Variants in MAF observed in about 807,000 individuals in gnomAD.
MAF encodes the protein MAF bZIP transcription factor, also known as transcription factor Maf.
In MAF, 10 loss-of-function variants were observed where a neutral mutation model predicts 22.0. That is an observed-to-expected ratio of 0.45 (90% CI 0.28 to 0.77). The LOEUF (loss-of-function observed/expected upper bound fraction) is 0.77. MAF is among the 30% of genes least tolerant of loss of function. The pLI is 0.12. For missense variants in MAF, 544 were observed against 548.4 expected, an observed-to-expected ratio of 0.99 and a Z score of 0.08; for synonymous variants, 337 against 255.8, an observed-to-expected ratio of 1.32 and a Z score of -3.03.
the MAF span, among the ~76,000 whole-genome samples, chr16:79,225,992 C>A: frequency 1.3e-5 from 2 of 152,172 alleles, no homozygotes; most frequent in Non-Finnish European, 2.9e-5. Context: ...GGATCTAGAA[C>A]TAGAAATACC....
the MAF span, among the ~76,000 whole-genome samples, chr16:79,513,617 G>A: frequency 5.2e-4 from 79 of 152,298 alleles, no homozygotes; most frequent in East Asian, 2.1e-3. Context: ...GACCAGTTGC[G>A]GAATCTCAGG....
the MAF span, among the ~76,000 whole-genome samples, chr16:79,580,402 T>G: frequency 6.6e-6 from 1 of 152,214 alleles, no homozygotes; most frequent in African/African-American, 2.4e-5. Flanking sequence ...CTAGAATGCC[T>G]AGGACACATC....
At chr16:79,473,785 A>C in the MAF span, among the ~76,000 whole-genome samples, 1 of 152,232 alleles carries the variant, frequency 6.6e-6, no homozygotes, top group Admixed American at 6.5e-5. Context: ...TTTACACTTA[A>C]AGATACAGCT....
At chr16:79,216,416 G>A in the MAF span, among the ~76,000 whole-genome samples, 1 of 152,134 alleles carries the variant, frequency 6.6e-6, no homozygotes, top group Non-Finnish European at 1.5e-5. Context: ...TTTGACTTAT[G>A]ATTTTTGAAC....
At chr16:79,484,683 C>T in the MAF span, among the ~76,000 whole-genome samples, 1 of 152,148 alleles carries the variant, frequency 6.6e-6, no homozygotes, top group African/African-American at 2.4e-5. Context: ...GCTCAGTTCT[C>T]ACAAAAGGGC....
chr16:79,533,170 A>G, the MAF span, among the ~76,000 whole-genome samples: 35 of 152,286 alleles, frequency 2.3e-4, no homozygotes, highest in African/African-American at 7.7e-4. Context: ...TAGCCAAGAA[A>G]TTATTTATCT....
chr16:79,441,722 T>C, the MAF span, among the ~76,000 whole-genome samples: 1 of 152,246 alleles, frequency 6.6e-6, no homozygotes, highest in Non-Finnish European at 1.5e-5. Flanking sequence ...TTTCCTTCCA[T>C]AGCAAGAAGA....
Position 79,586,067 on chromosome 16 carries a change from T to A in MAF, c.1119-126A>T. 7.4e-6 allele frequency: 4 copies of A among 540,908 alleles called. No homozygotes were observed. The East Asian group carries it at 1.3e-4, about 17-fold the overall frequency. 33.5% of individuals were successfully genotyped at this position (540,908 alleles called of 1,614,324 possible). A position where few individuals can be genotyped will look rare whatever the true frequency, so the allele number is the denominator to read the frequency against. ...GGGCAGAATTACACCAAAAGAAGAG[T>A]GATTTTGTTCCATTTGCTTTTGGGT... is the stretch of plus-strand genomic sequence containing the variant. On this transcript the variant is annotated intron_variant, in intron 1 of 1. Coordinates refer to the MAF transcript ENST00000569649.
At chr16:79,407,588 G>A in the MAF span, among the ~76,000 whole-genome samples, 1 of 152,070 alleles carries the variant, frequency 6.6e-6, no homozygotes, top group South Asian at 2.1e-4. Context: ...CATGGCCATG[G>A]CACGACCCAT....
At chr16:79,543,427 C>G in the MAF span, among the ~76,000 whole-genome samples, 1 of 152,184 alleles carries the variant, frequency 6.6e-6, no homozygotes, top group Admixed American at 6.5e-5. Context: ...TGACAAGAGC[C>G]ACTTACACAA....
the MAF span, among the ~76,000 whole-genome samples, chr16:79,306,712 A>C: frequency 6.6e-6 from 1 of 152,150 alleles, no homozygotes; most frequent in Admixed American, 6.5e-5. Flanking sequence ...CATCATCATC[A>C]TCACTTTCGT....
the MAF span, among the ~76,000 whole-genome samples, chr16:79,530,587 A>G: frequency 6.6e-6 from 1 of 152,210 alleles, no homozygotes; most frequent in Non-Finnish European, 1.5e-5. Context: ...ATGAATATAT[A>G]TATTTGTGCC....
chr16:79,466,079 G>T, the MAF span, among the ~76,000 whole-genome samples: 2 of 152,164 alleles, frequency 1.3e-5, no homozygotes, highest in Admixed American at 6.5e-5. Context: ...TAAAGTAACA[G>T]GGCTGGACAG....
chr16:79,541,635 A>C, the MAF span, among the ~76,000 whole-genome samples: 1 of 151,200 alleles, frequency 6.6e-6, no homozygotes, highest in African/African-American at 2.4e-5. Context: ...GGCCCTTGTT[A>C]CCAGCTAAGC....
chr16:79,560,163 G>A, the MAF span, among the ~76,000 whole-genome samples: 1 of 151,918 alleles, frequency 6.6e-6, no homozygotes, highest in Non-Finnish European at 1.5e-5. Context: ...CTCCTGCCTC[G>A]GCTTCCCAAA....
the MAF span, among the ~76,000 whole-genome samples, chr16:79,348,996 G>T: frequency 2.0e-5 from 3 of 152,124 alleles, no homozygotes; most frequent in Non-Finnish European, 4.4e-5. Flanking sequence ...ACCTGAGCCT[G>T]GTCCCTCCAT....
At chr16:79,512,154 T>C in the MAF span, among the ~76,000 whole-genome samples, 4 of 152,258 alleles carry the variant, frequency 2.6e-5, no homozygotes, top group Non-Finnish European at 5.9e-5. Flanking sequence ...TTTTTCTTTA[T>C]CTTGAAAGAC....
chr16:79,209,671 C>T, the MAF span, among the ~76,000 whole-genome samples: 2,430 of 152,218 alleles, frequency 0.016, 51 homozygotes, highest in African/African-American at 0.044. Flanking sequence ...CCATCTCCAC[C>T]AGAACTCTAA....
Position 79,600,266 on chromosome 16 carries a change from G to A in MAF, c.-364C>T, listed in dbSNP as rs980736515. On this transcript the variant is annotated 5_prime_UTR_variant, in exon 1 of 2. Coordinates refer to ENST00000326043, the MANE Select transcript of MAF (RefSeq NM_005360.5). Reference sequence around the variant, plus strand: ...TGGCTGCGGCGGCGAAGCTGGAGGAGCCCGGCCCGGTGCGCGGCGTCCCCC... The same window carrying A: ...TGGCTGCGGCGGCGAAGCTGGAGGAACCCGGCCCGGTGCGCGGCGTCCCCC... The A allele has an allele frequency of 8.4e-6, 2 of 236,764 alleles. No homozygotes were observed. Among genetic ancestry groups the A allele is most frequent in the East Asian group, 7.4e-5 (1 of 13,470 alleles). The allele number at this position is 236,764 out of a possible 1,614,324, so 14.7% of individuals were successfully genotyped here.
Sources: gnomAD v4.1 joint callset for allele counts (sites outside exome capture counted in the v4.1 genomes callset) on GRCh38, gnomAD v4.1.1 for gene constraint, MANE v1.5 for transcripts, NCBI Gene and HGNC (gene_info 2026-07-23, HGNC 2026-07-21) for gene names.